ARMC1: variants seen among roughly 807,000 people sequenced by gnomAD.
The protein encoded by ARMC1 is armadillo repeat-containing protein 1.
ARMC1 carries 16 observed loss-of-function variants against 31.4 expected under a neutral mutation model. The observed-to-expected ratio is 0.51, with a 90% CI of 0.34 to 0.77. ARMC1 has a LOEUF of 0.77. ARMC1 is among the 30% of genes least tolerant of loss of function. The pLI is 0.01. For missense variants in ARMC1, 259 were observed against 347.5 expected (o/e 0.75, Z 2.02); for synonymous variants, 114 against 118.9 (o/e 0.96, Z 0.27).
intron 6 of ARMC1, 84 bp from the exon 7 acceptor site, chr8:65,604,669 T>A: frequency 7.9e-7 from 1 of 1,258,624 alleles, no homozygotes; most frequent in South Asian, 1.4e-5. Flanking sequence ...GGGTAAATTT[T>A]CCTCTTACAT....
intron 1 of ARMC1, among the ~76,000 whole-genome samples, chr8:65,629,119 C>T (rs1427718076): frequency 6.8e-6 from 1 of 146,414 alleles, no homozygotes; most frequent in African/African-American, 2.5e-5. Context: ...TGCGCCATTG[C>T]ACTACAGCCT....
At chr8:65,621,489 A>G (rs1477490469) in intron 3 of ARMC1, among the ~76,000 whole-genome samples, 1 of 152,166 alleles carries the variant, frequency 6.6e-6, no homozygotes. Flanking sequence ...GTTACAGATG[A>G]GAGATCAGCA....
chr8:65,604,732 A>C (rs966018185), intron 6 of ARMC1, 147 bp from the exon 7 acceptor site: 34 of 652,740 alleles, frequency 5.2e-5, no homozygotes, highest in Non-Finnish European at 8.8e-5. Context: ...GAGTAAGCAG[A>C]GTACAAATAA....
rs866213843 is a variant in ARMC1 at position 65,609,793 on chromosome 8, G to C, written c.465+3451C>G. Reference sequence around the variant, plus strand: ...GAATCATTTGAACCTGGGAGGCAAAGGTTGCAGTAAGCCGAGATCACGACA... The same window carrying C: ...GAATCATTTGAACCTGGGAGGCAAACGTTGCAGTAAGCCGAGATCACGACA... On this transcript the variant is annotated intron_variant, in intron 4 of 6. Transcript: ENST00000276569. Among the ~76,000 whole-genome samples the C allele has an allele frequency of 2.0e-4, 29 of 143,938 alleles. No homozygotes were observed. In the South Asian group the frequency reaches 4.5e-3, roughly 22 times the overall value. 94.4% of individuals were successfully genotyped at this position (143,938 alleles called of 152,430 possible). A position where few individuals can be genotyped will look rare whatever the true frequency, so the allele number is the denominator to read the frequency against.
chr8:65,627,451 A>C lies in ARMC1; in HGVS notation c.-35-18T>G. 5.5e-6 allele frequency: 8 copies of C among 1,449,968 alleles called. No individual in the cohort carries two copies. The highest frequency in any genetic ancestry group is 7.4e-6 in the Non-Finnish European group (8 of 1,083,818). 89.8% of individuals were successfully genotyped at this position (1,449,968 alleles called of 1,614,324 possible). On this transcript the variant is annotated intron_variant, in intron 1 of 6. Transcript: ENST00000276569. ...CTTAAATTCTGTAGAAAAGGTTTGC[A>C]GAATTAGTTCTAGGCTGCTGAGGTA...
At chr8:65,612,409 T>C (rs1320731792) in intron 4 of ARMC1, among the ~76,000 whole-genome samples, 1 of 151,910 alleles carries the variant, frequency 6.6e-6, no homozygotes, top group Admixed American at 6.6e-5. Flanking sequence ...TAGACTATGA[T>C]TGTGCCACTG....
chr8:65,606,916 A>T (rs954951055), intron 4 of ARMC1, among the ~76,000 whole-genome samples: 7 of 152,302 alleles, frequency 4.6e-5, no homozygotes, highest in Non-Finnish European at 1.0e-4. Context: ...TTTTCTCCTC[A>T]TAGCTCCCTC....
At chr8:65,619,142 T>C (rs539169210) in intron 3 of ARMC1, among the ~76,000 whole-genome samples, 1 of 152,200 alleles carries the variant, frequency 6.6e-6, no homozygotes, top group African/African-American at 2.4e-5. Context: ...ATTTACATCT[T>C]TGACTTAGTA....
Position 65,634,172 on chromosome 8 carries a change from G to A in ARMC1, c.-210C>T, listed in dbSNP as rs189473935. 59 of 152,398 alleles carry A rather than the reference G, an allele frequency of 3.9e-4. No individual in the cohort carries two copies. The highest frequency in any genetic ancestry group is 1.4e-3 in the African/African-American group (57 of 41,592). 9.4% of individuals were successfully genotyped at this position (152,398 alleles called of 1,614,324 possible). ...AAGAGCGAAGGCGCTGGCGGGCAAA[G>A]GCTCTGCAGACTCTTCCCAGGTGAC... On this transcript the variant is annotated 5_prime_UTR_variant, in exon 1 of 7. Coordinates refer to ENST00000276569, the MANE Select transcript of ARMC1 (RefSeq NM_018120.6).
chr8:65,617,172 G>A (rs546626161), intron 3 of ARMC1, among the ~76,000 whole-genome samples: 19 of 152,348 alleles, frequency 1.2e-4, no homozygotes, highest in African/African-American at 1.9e-4. Context: ...CGGTTTTGTC[G>A]AATAGAAAAG....
intron 4 of ARMC1, 83 bp from the exon 5 acceptor site, chr8:65,605,621 G>T: frequency 1.1e-6 from 1 of 948,408 alleles, no homozygotes; most frequent in Non-Finnish European, 1.7e-6. Flanking sequence ...ATTTTGGAGG[G>T]GGGAAGAGAG....
intron 3 of ARMC1, among the ~76,000 whole-genome samples, chr8:65,618,396 C>T (rs919881137): frequency 7.2e-5 from 11 of 151,730 alleles, no homozygotes; most frequent in Admixed American, 3.3e-4. Context: ...GTGGCGGGCG[C>T]CTGTAGTCCC....
At chr8:65,631,363 T>C (rs1346177916) in intron 1 of ARMC1, among the ~76,000 whole-genome samples, 2 of 152,212 alleles carry the variant, frequency 1.3e-5, no homozygotes, top group Admixed American at 6.5e-5. Flanking sequence ...ACCTCCCAAG[T>C]AGCTGGGACT....
chr8:65,612,016 C>T (rs975637838), intron 4 of ARMC1, among the ~76,000 whole-genome samples: 32 of 152,026 alleles, frequency 2.1e-4, no homozygotes, highest in Admixed American at 1.8e-3. Context: ...ATGATCCATC[C>T]GCCTTGGCCT....
At chr8:65,629,858 T>C (rs1174252172) in intron 1 of ARMC1, among the ~76,000 whole-genome samples, 2 of 148,528 alleles carry the variant, frequency 1.3e-5, no homozygotes, top group Non-Finnish European at 3.0e-5. Flanking sequence ...AAAATGGCTA[T>C]GAGTTGCCAG....
intron 3 of ARMC1, 136 bp downstream of exon 3, chr8:65,622,127 T>C: frequency 1.5e-6 from 1 of 648,944 alleles, no homozygotes; most frequent in Non-Finnish European, 2.7e-6. Context: ...GTAGTAATCA[T>C]GCCTATAATT....
intron 3 of ARMC1, among the ~76,000 whole-genome samples, chr8:65,614,124 C>A (rs978570317): frequency 2.6e-5 from 4 of 152,094 alleles, no homozygotes; most frequent in East Asian, 1.9e-4. Context: ...AAAGGAGAAA[C>A]CAAATTTGAA....
At chr8:65,613,140 G>A in intron 4 of ARMC1, 104 bp downstream of exon 4, 1 of 978,418 alleles carries the variant, frequency 1.0e-6, no homozygotes, top group Non-Finnish European at 1.5e-6. Flanking sequence ...CTTTTTATCA[G>A]TAAAATACTG....
chr8:65,618,786 G>A (rs1007940412), intron 3 of ARMC1, among the ~76,000 whole-genome samples: 2 of 152,108 alleles, frequency 1.3e-5, no homozygotes, highest in Non-Finnish European at 2.9e-5. Flanking sequence ...GTTTACACCT[G>A]TAATCCCAGC....
Sources: gnomAD v4.1 joint callset for allele counts (sites outside exome capture counted in the v4.1 genomes callset) on GRCh38, gnomAD v4.1.1 for gene constraint, MANE v1.5 for transcripts, NCBI Gene and HGNC (gene_info 2026-07-23, HGNC 2026-07-21) for gene names.